The following USP3 variants were observed in gnomAD, a reference collection of about 807,000 sequenced individuals.
The protein encoded by USP3 is ubiquitin specific peptidase 3.
USP3 carries 20 observed loss-of-function variants against 72.3 expected under a neutral mutation model. The ratio of observed to expected loss-of-function variants is 0.28; its 90% CI spans 0.19 to 0.40. The LOEUF (loss-of-function observed/expected upper bound fraction) is 0.40. Among genes scored for constraint, USP3 ranks in the 10% least tolerant of loss-of-function variants. The probability of loss-of-function intolerance (pLI) is 1.00; values close to 1 mark genes in which losing one functional copy is unlikely to be tolerated. For missense variants in USP3, 479 were observed against 633.9 expected, an observed-to-expected ratio of 0.76 and a Z score of 2.62; for synonymous variants, 222 against 225.3, an observed-to-expected ratio of 0.99 and a Z score of 0.13.
At chr15:63,579,919 T>A (rs1296544781) in intron 11 of USP3, among the ~76,000 whole-genome samples, 1 of 152,198 alleles carries the variant, frequency 6.6e-6, no homozygotes, top group Non-Finnish European at 1.5e-5. Flanking sequence ...AAGAGGACAC[T>A]CGTGTTGTTG....
chr15:63,542,199 A>G (rs2066255176), intron 3 of USP3: 1 of 984,628 alleles, frequency 1.0e-6, no homozygotes, highest in Non-Finnish European at 1.2e-6. Context: ...AGAGGTAGAG[A>G]TTTTTCTCTG....
chr15:63,546,806 C>T (rs2066335686), intron 3 of USP3, among the ~76,000 whole-genome samples: 1 of 152,138 alleles, frequency 6.6e-6, no homozygotes, highest in African/African-American at 2.4e-5. Context: ...GACGGGGTTT[C>T]ACCATGTTAG....
chr15:63,520,316 G>C (rs897488767), intron 1 of USP3, among the ~76,000 whole-genome samples: 1 of 152,138 alleles, frequency 6.6e-6, no homozygotes, highest in Non-Finnish European at 1.5e-5. Context: ...CAATGAGTGT[G>C]TACTCATTTG....
intron 1 of USP3, among the ~76,000 whole-genome samples, chr15:63,511,774 G>T (rs2065786069): frequency 6.6e-6 from 1 of 152,072 alleles, no homozygotes; most frequent in Non-Finnish European, 1.5e-5. Context: ...AGGAAGGAGA[G>T]AATTCTTAAG....
intron 5 of USP3, among the ~76,000 whole-genome samples, chr15:63,557,178 C>G (rs931861805): frequency 6.6e-6 from 1 of 152,208 alleles, no homozygotes. Flanking sequence ...TGAAGTGATT[C>G]TCCTGCCACA....
intron 11 of USP3, among the ~76,000 whole-genome samples, chr15:63,578,226 A>T (rs1041699474): frequency 6.6e-6 from 1 of 152,166 alleles, no homozygotes; most frequent in Non-Finnish European, 1.5e-5. Context: ...GTGAGCCGAG[A>T]TCGTGCCACT....
intron 7 of USP3, among the ~76,000 whole-genome samples, chr15:63,561,099 C>CAGCAGCATCTAGGATGAGTTG (rs1259031705): frequency 2.6e-5 from 4 of 151,488 alleles, no homozygotes; most frequent in African/African-American, 7.3e-5. Flanking sequence ...GTTTCCCTCA[C>CAGCAGCATCTAGGATGAGTTG]AGCAGCATCT....
intron 3 of USP3, among the ~76,000 whole-genome samples, chr15:63,550,816 T>C (rs185851818): frequency 6.6e-6 from 1 of 152,318 alleles, no homozygotes; most frequent in African/African-American, 2.4e-5. Context: ...ACTGAAATAA[T>C]TTAATTTTTC....
chr15:63,580,547 G>A (rs2066935731), intron 11 of USP3, among the ~76,000 whole-genome samples: 1 of 149,700 alleles, frequency 6.7e-6, no homozygotes. Context: ...CCATAGAGAT[G>A]CTGTTTTAAC....
At chr15:63,555,798 T>G (rs568768246) in intron 4 of USP3, among the ~76,000 whole-genome samples, 6 of 152,338 alleles carry the variant, frequency 3.9e-5, no homozygotes, top group African/African-American at 1.4e-4. Flanking sequence ...AAGAACATTT[T>G]GAGGTTTGAA....
At chr15:63,562,794 G>A in intron 7 of USP3, 101 bp from the exon 8 acceptor site, 2 of 644,236 alleles carry the variant, frequency 3.1e-6, no homozygotes, top group Non-Finnish European at 5.2e-6. Flanking sequence ...TCCTTTTTAA[G>A]TGTTCATTTC....
intron 1 of USP3, among the ~76,000 whole-genome samples, chr15:63,521,135 C>A (rs1404560509): frequency 1.5e-5 from 2 of 130,036 alleles, no homozygotes; most frequent in Non-Finnish European, 3.3e-5. Flanking sequence ...TAGATACATT[C>A]TTTTGGACTT....
Position 63,573,956 on chromosome 15 carries a change from G to C in USP3, c.909-90G>C, listed in dbSNP as rs566313762. ...AATATTCCCTCAAAGGCAGTCATCT[G>C]TAGGGGCTTTAACAAATATTTGTAG... On this transcript the variant is annotated intron_variant, in intron 9 of 14. Transcript: ENST00000380324. 7 of 808,662 alleles carry C rather than the reference G, an allele frequency of 8.7e-6. No individual in the cohort carries two copies. In the African/African-American group the frequency reaches 8.8e-5, roughly 10 times the overall value. 50.1% of individuals were successfully genotyped at this position (808,662 alleles called of 1,614,324 possible).
intron 8 of USP3, among the ~76,000 whole-genome samples, chr15:63,563,385 A>C (rs2152674510): frequency 6.6e-6 from 1 of 152,368 alleles, no homozygotes; most frequent in East Asian, 1.9e-4. Context: ...TAAGATCAGT[A>C]GAAGTGCATG....
At position 63,534,614 on chromosome 15, in the gene USP3, C is replaced by G. The variant is rs540569744; in HGVS notation, c.152+1907C>G. On this transcript the variant is annotated intron_variant, in intron 2 of 14. Coordinates refer to ENST00000380324, the MANE Select transcript of USP3 (RefSeq NM_006537.4). ...CTCTTCGACTAATATATTTAGGTAT[C>G]AGGCAAAACATTGCTAATCTTAATA... Among the ~76,000 whole-genome samples, 7 of 152,270 alleles carry G rather than the reference C, an allele frequency of 4.6e-5. No homozygotes were observed. The South Asian group carries it at 1.4e-3, about 32-fold the overall frequency.
At chr15:63,586,035 TTA>T (rs1210063996) in intron 11 of USP3, among the ~76,000 whole-genome samples, 2 of 152,216 alleles carry the variant, frequency 1.3e-5, no homozygotes, top group Non-Finnish European at 2.9e-5. Flanking sequence ...CAGGATGTCT[TTA>T]TGTCTTTTAA....
intron 1 of USP3, among the ~76,000 whole-genome samples, chr15:63,517,640 A>G (rs1343799998): frequency 1.3e-5 from 2 of 152,146 alleles, no homozygotes; most frequent in East Asian, 3.9e-4. Context: ...TTCTGGTACC[A>G]TTGAGTTTTT....
At chr15:63,560,693 G>A (rs137994734) in intron 7 of USP3, among the ~76,000 whole-genome samples, 6 of 151,908 alleles carry the variant, frequency 3.9e-5, no homozygotes, top group Non-Finnish European at 7.4e-5. Context: ...ATACGGAGAG[G>A]GGGGGAAGAA....
intron 1 of USP3, among the ~76,000 whole-genome samples, chr15:63,526,894 C>G (rs1341705550): frequency 6.6e-6 from 1 of 152,136 alleles, no homozygotes; most frequent in East Asian, 1.9e-4. Flanking sequence ...TCCTTATGTT[C>G]TTTAAATTAT....
Sources: gnomAD v4.1 joint callset for allele counts (sites outside exome capture counted in the v4.1 genomes callset) on GRCh38, gnomAD v4.1.1 for gene constraint, MANE v1.5 for transcripts, NCBI Gene and HGNC (gene_info 2026-07-23, HGNC 2026-07-21) for gene names.